TRPV2: variants seen among roughly 807,000 people sequenced by gnomAD.
The protein encoded by TRPV2 is transient receptor potential cation channel subfamily V member 2.
In TRPV2, 58 loss-of-function variants were observed where a neutral mutation model predicts 91.0. That is an observed-to-expected ratio of 0.64 (90% CI 0.52 to 0.79). The LOEUF (loss-of-function observed/expected upper bound fraction) is 0.79, where lower values mean the gene tolerates loss of function less well. Ranked by LOEUF, TRPV2 falls within the 30% of genes least tolerant of loss-of-function variation. The pLI is 0.00. For synonymous variants in TRPV2, 417 were observed against 414.8 expected, an observed-to-expected ratio of 1.01 and a Z score of -0.06; for missense variants, 807 against 969.6, an observed-to-expected ratio of 0.83 and a Z score of 2.23.
intron 1 of TRPV2, 51 bp from the exon 2 acceptor site, chr17:16,417,511 C>A: frequency 1.4e-6 from 1 of 707,272 alleles, no homozygotes; most frequent in South Asian, 1.8e-5. Flanking sequence ...TGGGATTACA[C>A]CCAGCCACCA....
chr17:16,435,084 A>G lies in TRPV2; in HGVS notation c.2194+115A>G. The G allele has an allele frequency of 1.4e-6, 1 of 734,456 alleles. No individual in the cohort carries two copies. Among genetic ancestry groups the G allele is most frequent in the Non-Finnish European group, 2.1e-6 (1 of 471,694 alleles). 45.5% of individuals were successfully genotyped at this position (734,456 alleles called of 1,614,324 possible). A position where few individuals can be genotyped will look rare whatever the true frequency, so the allele number is the denominator to read the frequency against. ...AGAGACCTCCTCATAGTCCCTTTGC[A>G]GATCCCCACATGCCAGCTCCTCTTA... On this transcript the variant is annotated intron_variant, in intron 14 of 14. Transcript: ENST00000338560. This position sits in a 1 kb window ranked among gnomAD's most constrained non-coding sequence, Gnocchi z 4.2.
rs1476606616 is a variant in TRPV2, at chr17:16,428,288, A to C, written c.1351-29A>C. 4 of 1,612,286 alleles carry C rather than the reference A, an allele frequency of 2.5e-6. No individual in the cohort carries two copies. In the South Asian group the frequency reaches 3.3e-5, roughly 13 times the overall value. On this transcript the variant is annotated intron_variant, in intron 8 of 14. Transcript: ENST00000338560. Reference sequence around the variant, plus strand: ...GGGGGCATGCGGGAGAGCAGGTTTCACAGCCCTCTGTCCTCCCTTCCTCCG... The same window carrying C: ...GGGGGCATGCGGGAGAGCAGGTTTCCCAGCCCTCTGTCCTCCCTTCCTCCG...
chr17:16,428,237 C>T (rs2093393347), intron 8 of TRPV2, 80 bp from the exon 9 acceptor site: 6 of 1,368,092 alleles, frequency 4.4e-6, no homozygotes, highest in South Asian at 1.2e-5. Flanking sequence ...GCCTGGGTGG[C>T]AGGCTCCCAC....
At chr17:16,421,128 G>A (rs2093354493) in intron 3 of TRPV2, among the ~76,000 whole-genome samples, 1 of 152,004 alleles carries the variant, frequency 6.6e-6, no homozygotes, top group African/African-American at 2.4e-5. Context: ...CTTATCGATG[G>A]CCATTTTAGG....
Position 16,423,479 on chromosome 17 carries a change from C to T in TRPV2, c.636C>T (p.Pro212=), listed in dbSNP as rs1331639717. ...QGTCFYFGEL[P]LSLAACTKQW... ...TCTCTTGGCCTGCAGGTGAGCTACC[C>T]CTCTCTTTGGCCGCTTGCACCAAGC... is the stretch of plus-strand genomic sequence containing the variant. The change falls in exon 5 of 15, where the codon CCC becomes CCT. Residue 212 remains proline (P), a synonymous_variant. Transcript: ENST00000338560. 6 of 1,605,882 alleles carry T rather than the reference C, an allele frequency of 3.7e-6. No individual in the cohort carries two copies.
At position 16,431,997 on chromosome 17, in the gene TRPV2, C is replaced by T; in HGVS notation, c.1686C>T (p.Arg562=). The part of the protein sequence containing the change: ...ALVSLSQEAW[R]PEAPTGPNAT... ...TGAGCCTGAGCCAGGAGGCTTGGCG[C>T]CCCGAAGCTCCTACAGGCCCCAATG... Residue 562 remains arginine, a synonymous_variant, in exon 12 of 15, where the codon CGC becomes CGT. Transcript: ENST00000338560. The T allele has an allele frequency of 1.9e-6, 3 of 1,605,954 alleles. No homozygotes were observed. The highest frequency in any genetic ancestry group is 1.1e-5 in the South Asian group (1 of 90,494).
At chr17:16,428,213 C>T in intron 8 of TRPV2, 104 bp from the exon 9 acceptor site, 1 of 1,045,132 alleles carries the variant, frequency 9.6e-7, no homozygotes, top group South Asian at 1.3e-5. Flanking sequence ...ACCAAAGCTG[C>T]TGACTTAGCT....
intron 3 of TRPV2, 66 bp from the exon 4 acceptor site, chr17:16,422,533 A>G (rs1224386499): frequency 5.9e-6 from 9 of 1,530,674 alleles, no homozygotes; most frequent in South Asian, 1.2e-5. Flanking sequence ...TATAAGAGCT[A>G]TCGGGCAGCC....
chr17:16,436,944 A>G lies in TRPV2; in HGVS notation c.*55A>G. On this transcript the variant is annotated 3_prime_UTR_variant, in exon 15 of 15. Transcript: ENST00000338560. Reference sequence around the variant, plus strand: ...CAGAGCAGAGGATCTTTCCAACCACATCTGCTGGCTCTGGGGTCCCAGTGA... The same window carrying G: ...CAGAGCAGAGGATCTTTCCAACCACGTCTGCTGGCTCTGGGGTCCCAGTGA... 1 of 1,379,374 alleles carries G rather than the reference A, an allele frequency of 7.2e-7. No homozygotes were observed. Among genetic ancestry groups the G allele is most frequent in the Non-Finnish European group, 1.0e-6 (1 of 969,574 alleles). 85.4% of individuals were successfully genotyped at this position (1,379,374 alleles called of 1,614,324 possible).
At chr17:16,433,411 C>G (rs1321360608) in intron 12 of TRPV2, 163 bp from the exon 13 acceptor site, 2 of 1,010,920 alleles carry the variant, frequency 2.0e-6, no homozygotes, top group African/African-American at 3.2e-5. Flanking sequence ...CAACCCCACA[C>G]AGGTAACCGG....
chr17:16,432,032 C>A lies in TRPV2; in HGVS notation c.1721C>A (p.Ser574Ter). 1.2e-6 allele frequency: 2 copies of A among 1,612,004 alleles called. No homozygotes were observed. Among genetic ancestry groups the A allele is most frequent in the Non-Finnish European group, 1.7e-6 (2 of 1,178,346 alleles). ...EAPTGPNATE[S>*]VQPMEGQEDE... Reference sequence around the variant, plus strand: ...CCTACAGGCCCCAATGCCACAGAGTCAGTGCAGCCCATGGAGGGACAGGAG... The same window carrying A: ...CCTACAGGCCCCAATGCCACAGAGTAAGTGCAGCCCATGGAGGGACAGGAG... Residue 574 changes from serine (S) to a stop codon, truncating the protein, a stop_gained, in exon 12 of 15, where the codon TCA (serine) becomes TAA (stop). Coordinates refer to ENST00000338560, the MANE Select transcript of TRPV2 (RefSeq NM_016113.5). LOFTEE classifies it high-confidence loss of function.
At position 16,417,763 on chromosome 17, in the gene TRPV2, T is replaced by G. The variant is rs1369778182; in HGVS notation, c.95T>G (p.Phe32Cys). 1.2e-6 allele frequency: 2 copies of G among 1,614,176 alleles called. No individual in the cohort carries two copies. The change falls in exon 2 of 15, where the codon TTT becomes TGT. Residue 32 changes from phenylalanine to cysteine, a missense_variant. Transcript: ENST00000338560. ...GSEADRGKLD[F>C]GSGLPPMESQ... Reference sequence around the variant, plus strand: ...GAGGCGGACAGAGGAAAGCTGGATTTTGGGAGCGGGCTGCCTCCCATGGAG... The same window carrying G: ...GAGGCGGACAGAGGAAAGCTGGATTGTGGGAGCGGGCTGCCTCCCATGGAG...
chr17:16,428,409 C>A, intron 9 of TRPV2, 22 bp downstream of exon 9: 1 of 1,611,976 alleles, frequency 6.2e-7, no homozygotes, highest in African/African-American at 1.3e-5. Context: ...CTCACTCCTC[C>A]TTCTCTCAAC....
At chr17:16,417,960 A>G in intron 2 of TRPV2, 92 bp downstream of exon 2, 1 of 1,264,804 alleles carries the variant, frequency 7.9e-7, no homozygotes, top group Non-Finnish European at 1.1e-6. Context: ...GTCCAGCACC[A>G]GTGCCCCTTC....
In TRPV2 at chr17:16,430,156, C is replaced by T. The variant is rs138941564; in HGVS notation, c.1587+1174C>T. ...CTGGGATTACAGGCATGAGCTACTG[C>T]GCCTGGCCCATTTTAACCTTTTTTT... On this transcript the variant is annotated intron_variant, in intron 10 of 14. Coordinates refer to ENST00000338560, the MANE Select transcript of TRPV2 (RefSeq NM_016113.5). 3.9e-4 allele frequency among the ~76,000 whole-genome samples: 59 copies of T among 152,110 alleles called. No homozygotes were observed. In the East Asian group the frequency reaches 8.9e-3, roughly 23 times the overall value.
In TRPV2 at chr17:16,426,830, A is replaced by G; in HGVS notation, c.1204A>G (p.Met402Val). 1.2e-6 allele frequency: 2 copies of G among 1,613,546 alleles called. No homozygotes were observed. The highest frequency in any genetic ancestry group is 1.1e-5 in the South Asian group (1 of 91,064). The change falls in exon 7 of 15, where the codon ATG (methionine) becomes GTG (valine). Residue 402 changes from methionine (M) to valine (V), a missense_variant. Met to Val is a conservative substitution (Grantham distance 21). Transcript: ENST00000338560. This position sits in a 1 kb window ranked among gnomAD's most constrained non-coding sequence, Gnocchi z 6.0. ...AAACTTCCTGTGTAATCTGATCTAC[A>G]TGTTCATCTTCACCGCTGTTGCCTA... ...FLNFLCNLIY[M>V]FIFTAVAYHQ... is the part of the protein sequence containing the mutation.
chr17:16,425,410 T>A (rs1416114509), intron 5 of TRPV2, among the ~76,000 whole-genome samples: 1 of 152,252 alleles, frequency 6.6e-6, no homozygotes, highest in Non-Finnish European at 1.5e-5. Context: ...CCCCACTTTG[T>A]TCCAGATAGC....
intron 5 of TRPV2, among the ~76,000 whole-genome samples, chr17:16,424,504 C>A (rs1354491978): frequency 1.3e-5 from 2 of 152,080 alleles, no homozygotes; most frequent in African/African-American, 4.8e-5. Context: ...CCATGTTGGC[C>A]AGGCTGGTCT....
intron 2 of TRPV2, among the ~76,000 whole-genome samples, chr17:16,419,113 A>G (rs958955053): frequency 1.2e-4 from 18 of 152,042 alleles, no homozygotes; most frequent in African/African-American, 4.1e-4. Context: ...AGAGACATTA[A>G]GCTGGGACCT....
Sources: allele counts gnomAD v4.1 joint callset (sites outside exome capture counted in the v4.1 genomes callset), GRCh38; gene constraint gnomAD v4.1.1; non-coding constraint Gnocchi (gnomAD v3.1); transcripts MANE v1.5; gene names NCBI Gene and HGNC (gene_info 2026-07-23, HGNC 2026-07-21).